Variants in IQCH observed in about 807,000 individuals in gnomAD.
IQCH encodes the protein IQ domain-containing protein H.
In IQCH, 98 loss-of-function variants were observed where a neutral mutation model predicts 117.0. The observed-to-expected ratio is 0.84, with a 90% confidence interval of 0.71 to 0.99. The LOEUF (loss-of-function observed/expected upper bound fraction) is 0.99, where lower values mean the gene tolerates loss of function less well. IQCH is among the 50% of genes least tolerant of loss of function. The probability of loss-of-function intolerance (pLI) is 0.00; values close to 1 mark genes in which losing one functional copy is unlikely to be tolerated. For missense variants in IQCH, 1,102 were observed against 1,243.8 expected, an observed-to-expected ratio of 0.89 and a Z score of 1.72; for synonymous variants, 412 against 448.2, an observed-to-expected ratio of 0.92 and a Z score of 1.02.
intron 18 of IQCH, among the ~76,000 whole-genome samples, chr15:67,487,287 C>T (rs559215050): frequency 1.3e-5 from 2 of 152,176 alleles, no homozygotes; most frequent in Admixed American, 6.5e-5. Flanking sequence ...GAGCCAAGAT[C>T]GTGCCACTGC....
At position 67,443,022 on chromosome 15, in the gene IQCH, T is replaced by C. The variant is rs907954223; in HGVS notation, c.2505+21445T>C. Among the ~76,000 whole-genome samples, 1 of 151,844 alleles carries C rather than the reference T, an allele frequency of 6.6e-6. No homozygotes were observed. The highest frequency in any genetic ancestry group is 1.5e-5 in the Non-Finnish European group (1 of 67,956). ...TCTTTTTTTTTTTTGAGATGGAGTC[T>C]TGCTGTTTCGCCCAGTCCAGAGTGC... On this transcript the variant is annotated intron_variant, in intron 16 of 20. Coordinates refer to ENST00000335894, the MANE Select transcript of IQCH (RefSeq NM_001031715.3). The surrounding 1 kb of genome is among the most constrained non-coding windows in gnomAD (Gnocchi z 5.0).
rs190238864 is a variant in IQCH, at chr15:67,359,732, G to C, written c.715-115G>C. ...CTGCCTGCGTGGAAAGAGAGAACAG[G>C]CTGGCCCAGCGGGTAAAATGGGGAA... On this transcript the variant is annotated intron_variant, in intron 7 of 20. Coordinates refer to ENST00000335894, the MANE Select transcript of IQCH (RefSeq NM_001031715.3). This position sits in a 1 kb window ranked among gnomAD's most constrained non-coding sequence, Gnocchi z 4.5. 1 of 871,410 alleles carries C rather than the reference G, an allele frequency of 1.1e-6. No homozygotes were observed. Among genetic ancestry groups the C allele is most frequent in the Non-Finnish European group, 2.0e-6 (1 of 509,452 alleles). The allele number at this position is 871,410 out of a possible 1,614,324, so 54.0% of individuals were successfully genotyped here.
chr15:67,259,930 A>G (rs1330631160), intron 1 of IQCH, among the ~76,000 whole-genome samples: 2 of 152,250 alleles, frequency 1.3e-5, no homozygotes, highest in East Asian at 1.9e-4. Flanking sequence ...GAAGAGTACA[A>G]ATGACCAGAT....
rs137869543 is a variant in IQCH, at chr15:67,425,351, C to T, written c.2505+3774C>T. On this transcript the variant is annotated intron_variant, in intron 16 of 20. Coordinates refer to ENST00000335894, the MANE Select transcript of IQCH (RefSeq NM_001031715.3). The surrounding 1 kb of genome is among the most constrained non-coding windows in gnomAD (Gnocchi z 5.5). ...ATTTCTGGCCAGGTGCGGTGGCTCACGCCTGTAATCCCAGCACTTTGGGTG... is the reference window on the plus strand; with the variant it reads ...ATTTCTGGCCAGGTGCGGTGGCTCATGCCTGTAATCCCAGCACTTTGGGTG... 0.014 allele frequency among the ~76,000 whole-genome samples: 2,166 copies of T among 152,272 alleles called. 34 individuals carry two copies. Among genetic ancestry groups the T allele is most frequent in the Middle Eastern group, 0.024 (7 of 294 alleles).
chr15:67,377,651 A>G (rs74354209), intron 10 of IQCH, among the ~76,000 whole-genome samples: 1,759 of 152,288 alleles, frequency 0.012, 33 homozygotes, highest in African/African-American at 0.04. Flanking sequence ...TTGACATTAA[A>G]TGAGACGTGC....
At chr15:67,484,746 A>C (rs1022785921) in intron 18 of IQCH, among the ~76,000 whole-genome samples, 1 of 151,894 alleles carries the variant, frequency 6.6e-6, no homozygotes, top group African/African-American at 2.4e-5. Flanking sequence ...ATCTCAAAAA[A>C]AAAAATTAAT....
Position 67,254,835 on chromosome 15 carries a change from G to A in IQCH, c.-62G>A, listed in dbSNP as rs867166731. On this transcript the variant is annotated 5_prime_UTR_variant, in exon 1 of 21. Transcript: ENST00000335894. ...GTTGCCATGGGGACGAGCGGCTCCG[G>A]CTGAAGGTTTCCGTGCTTGGAAACC... The A allele has an allele frequency of 1.9e-6, 3 of 1,551,446 alleles. No homozygotes were observed. Among genetic ancestry groups the A allele is most frequent in the Non-Finnish European group, 2.6e-6 (3 of 1,133,698 alleles).
Position 67,393,676 on chromosome 15 carries a change from C to T in IQCH, c.1633-1615C>T, listed in dbSNP as rs1039571478. ...CTGGGACCACAGGTGTGTACCACCA[C>T]ATACCTGGCTAATTTTTTTGTAGAT... On this transcript the variant is annotated intron_variant, in intron 12 of 20. Transcript: ENST00000335894. The surrounding 1 kb of genome is among the most constrained non-coding windows in gnomAD (Gnocchi z 5.5). 9.9e-5 allele frequency among the ~76,000 whole-genome samples: 15 copies of T among 151,960 alleles called. No individual in the cohort carries two copies. Among genetic ancestry groups the T allele is most frequent in the African/African-American group, 3.4e-4 (14 of 41,368 alleles).
intron 16 of IQCH, chr15:67,460,014 G>C (rs569633365): frequency 1.9e-4 from 29 of 152,306 alleles, no homozygotes; most frequent in Middle Eastern, 6.8e-3. Flanking sequence ...GCAGGGTTTG[G>C]TGGTGCAAAC....
At chr15:67,281,913 C>T (rs535505964) in intron 4 of IQCH, 3 of 373,620 alleles carry the variant, frequency 8.0e-6, no homozygotes, top group African/African-American at 6.3e-5. Context: ...CCTGTGAACT[C>T]CCAAAGCAGC....
intron 8 of IQCH, among the ~76,000 whole-genome samples, chr15:67,362,266 T>TCTC (rs1480385682): frequency 1.3e-5 from 2 of 152,060 alleles, no homozygotes; most frequent in Non-Finnish European, 2.9e-5. Flanking sequence ...CTCTGTGTGT[T>TCTC]TAAAACTTTT....
At chr15:67,340,142 T>G (rs1969078938) in intron 5 of IQCH, among the ~76,000 whole-genome samples, 1 of 152,062 alleles carries the variant, frequency 6.6e-6, no homozygotes, top group African/African-American at 2.4e-5. Flanking sequence ...TAAAAGTGAC[T>G]CGTCGGCCAG....
At chr15:67,499,167 C>G (rs2083908763) in intron 20 of IQCH, among the ~76,000 whole-genome samples, 1 of 151,894 alleles carries the variant, frequency 6.6e-6, no homozygotes, top group African/African-American at 2.4e-5. Flanking sequence ...GGCATGGTGG[C>G]ACACACCTGT....
intron 8 of IQCH, among the ~76,000 whole-genome samples, chr15:67,367,623 GT>G (rs1459583670): frequency 6.6e-6 from 1 of 152,106 alleles, no homozygotes; most frequent in Non-Finnish European, 1.5e-5. Flanking sequence ...GATGTACAAG[GT>G]GGTAGAAGGA....
At position 67,373,390 on chromosome 15, in the gene IQCH, C is replaced by G. The variant is rs371147811; in HGVS notation, c.1329C>G (p.Arg443=). ...AGCATCTGGCAGCCAACTGGAATCG[C>G]ATCAGGACCTCCAGGAGGACTATTA... is the stretch of plus-strand genomic sequence containing the variant. ...RAKHLAANWN[R]IRTSRRTIIH... Residue 443 remains arginine (R), a synonymous_variant, in exon 10 of 21, where the codon CGC becomes CGG. Coordinates refer to ENST00000335894, the MANE Select transcript of IQCH (RefSeq NM_001031715.3). 1.2e-6 allele frequency: 2 copies of G among 1,612,872 alleles called. No homozygotes were observed. Among genetic ancestry groups the G allele is most frequent in the Non-Finnish European group, 1.7e-6 (2 of 1,179,058 alleles).
In IQCH at chr15:67,268,151, C is replaced by T. The variant is rs555967291; in HGVS notation, c.269+4935C>T. Among the ~76,000 whole-genome samples, 7 of 152,252 alleles carry T rather than the reference C, an allele frequency of 4.6e-5. No individual in the cohort carries two copies. The East Asian group carries it at 1.2e-3, about 25-fold the overall frequency. ...CCTGAAAATCAGAAAGCCTAATTGT[C>T]ACAAAAGATAATTTTCCTTTTTAGC... On this transcript the variant is annotated intron_variant, in intron 3 of 20. Coordinates refer to ENST00000335894, the MANE Select transcript of IQCH (RefSeq NM_001031715.3).
intron 4 of IQCH, among the ~76,000 whole-genome samples, chr15:67,334,897 T>C (rs555088594): frequency 6.6e-6 from 1 of 152,300 alleles, no homozygotes; most frequent in Admixed American, 6.5e-5. Flanking sequence ...ATGCTGAAGG[T>C]TGTTTCATTC....
At chr15:67,450,068 T>G (rs1394903369) in intron 16 of IQCH, among the ~76,000 whole-genome samples, 1 of 152,254 alleles carries the variant, frequency 6.6e-6, no homozygotes, top group South Asian at 2.1e-4. Context: ...TTTTTGCACA[T>G]TGATTTTGTA....
intron 4 of IQCH, among the ~76,000 whole-genome samples, chr15:67,317,480 C>G (rs1049045688): frequency 1.3e-5 from 2 of 152,162 alleles, no homozygotes; most frequent in African/African-American, 4.8e-5. Context: ...GCTGGTATTA[C>G]AAGTGTGACC....
Sources: gnomAD v4.1 joint callset for allele counts (sites outside exome capture counted in the v4.1 genomes callset) on GRCh38, gnomAD v4.1.1 for gene constraint, Gnocchi (gnomAD v3.1) non-coding constraint, MANE v1.5 for transcripts, NCBI Gene and HGNC (gene_info 2026-07-23, HGNC 2026-07-21) for gene names.